Variants in UCK2 observed in about 807,000 individuals in gnomAD.
The protein encoded by UCK2 is uridine-cytidine kinase 2, also known as cytidine monophosphokinase 2.
In UCK2, 6 loss-of-function variants were observed where a neutral mutation model predicts 30.8. The ratio of observed to expected loss-of-function variants is 0.19; its 90% CI spans 0.11 to 0.38. The LOEUF is 0.38. UCK2 is among the 10% of genes least tolerant of loss of function. The pLI, the probability that UCK2 is intolerant of heterozygous loss-of-function variation, is 1.00. For missense variants in UCK2, 210 were observed against 339.8 expected, an observed-to-expected ratio of 0.62 and a Z score of 3.00; for synonymous variants, 125 against 133.6, an observed-to-expected ratio of 0.94 and a Z score of 0.45.
intron 5 of UCK2, among the ~76,000 whole-genome samples, chr1:165,904,725 C>T (rs545973238): frequency 3.3e-5 from 5 of 152,278 alleles, no homozygotes; most frequent in South Asian, 4.2e-4. Context: ...GGGCTGACAC[C>T]GTTGCCTTTC....
At chr1:165,887,920 T>G (rs1326490512) in intron 1 of UCK2, among the ~76,000 whole-genome samples, 1 of 152,236 alleles carries the variant, frequency 6.6e-6, no homozygotes, top group Non-Finnish European at 1.5e-5. Flanking sequence ...CAGAGTAGTT[T>G]TAAATGTTTT....
At chr1:165,854,101 G>A (rs1353132478) in intron 1 of UCK2, among the ~76,000 whole-genome samples, 1 of 152,154 alleles carries the variant, frequency 6.6e-6, no homozygotes, top group African/African-American at 2.4e-5. Flanking sequence ...CTCATTTTGG[G>A]GTTCAGATTG....
chr1:165,891,411 C>T (rs1184627335), intron 3 of UCK2, 89 bp downstream of exon 3: 1 of 1,187,394 alleles, frequency 8.4e-7, no homozygotes, highest in South Asian at 1.3e-5. Context: ...TTACCTCTCG[C>T]ACTTCAGACC....
At chr1:165,897,129 ACCTG>A (rs1202070994) in intron 4 of UCK2, among the ~76,000 whole-genome samples, 9 of 152,026 alleles carry the variant, frequency 5.9e-5, no homozygotes, top group Non-Finnish European at 1.3e-4. Context: ...AGTGGCAGGA[ACCTG>A]GAGTGTACAG....
At chr1:165,833,506 C>T (rs547442447) in intron 1 of UCK2, among the ~76,000 whole-genome samples, 13 of 152,238 alleles carry the variant, frequency 8.5e-5, no homozygotes, top group African/African-American at 3.1e-4. Flanking sequence ...GCTGCCTTTC[C>T]TCAGGCTGTA....
intron 1 of UCK2, among the ~76,000 whole-genome samples, chr1:165,880,559 T>TGTGTGTGTG (rs1557843843): frequency 2.3e-5 from 2 of 86,096 alleles, no homozygotes; most frequent in Admixed American, 1.2e-4. Context: ...ATTCAGTTTT[T>TGTGTGTGTG]TTTGGGGGTG....
intron 4 of UCK2, chr1:165,897,894 A>G (rs1384120823): frequency 6.6e-6 from 1 of 152,174 alleles, no homozygotes; most frequent in African/African-American, 2.4e-5. Context: ...GTTCTAGCAG[A>G]GCCCTTCCCA....
At chr1:165,888,135 A>T (rs78443602) in intron 1 of UCK2, among the ~76,000 whole-genome samples, 1 of 152,190 alleles carries the variant, frequency 6.6e-6, no homozygotes, top group East Asian at 1.9e-4. Flanking sequence ...GCAATCAAAC[A>T]CAACTTTATA....
At chr1:165,854,414 T>C (rs1350993116) in intron 1 of UCK2, among the ~76,000 whole-genome samples, 1 of 152,116 alleles carries the variant, frequency 6.6e-6, no homozygotes, top group Non-Finnish European at 1.5e-5. Context: ...CATGGGGAAG[T>C]AAACCGATTT....
At chr1:165,843,411 G>T (rs1654376370) in intron 1 of UCK2, among the ~76,000 whole-genome samples, 1 of 152,154 alleles carries the variant, frequency 6.6e-6, no homozygotes, top group African/African-American at 2.4e-5. Flanking sequence ...TGAGTTTCAA[G>T]AAGTCGTTAG....
At chr1:165,895,565 T>G in intron 3 of UCK2, 1 of 985,574 alleles carries the variant, frequency 1.0e-6, no homozygotes. Flanking sequence ...GATTGACCTG[T>G]GGCCACTTTG....
chr1:165,871,250 T>C (rs552179941), intron 1 of UCK2, among the ~76,000 whole-genome samples: 18 of 152,338 alleles, frequency 1.2e-4, no homozygotes, highest in African/African-American at 4.3e-4. Context: ...CAGGATACCC[T>C]GCACAAGGTG....
intron 1 of UCK2, 146 bp downstream of exon 1, chr1:165,828,078 C>A: frequency 2.6e-6 from 1 of 388,456 alleles, no homozygotes; most frequent in Non-Finnish European, 3.6e-6. Context: ...GCGCCGAGTG[C>A]GCCCCGCGCG....
rs77059225 is a variant in UCK2, at chr1:165,874,786, A to G, written c.100-15418A>G. Among the ~76,000 whole-genome samples, 1,123 of 152,298 alleles carry G rather than the reference A, an allele frequency of 7.4e-3. 20 individuals are homozygous for G. Among genetic ancestry groups the G allele is most frequent in the African/African-American group, 0.026 (1,071 of 41,552 alleles). The stretch of plus-strand genomic sequence containing the variant: ...TTACCGAGGACATGAAAGGCATTGC[A>G]GTTGCTTGGGCATTCTAGAAGAGGG... On this transcript the variant is annotated intron_variant, in intron 1 of 6. Coordinates refer to ENST00000367879, the MANE Select transcript of UCK2 (RefSeq NM_012474.5).
intron 1 of UCK2, among the ~76,000 whole-genome samples, chr1:165,841,329 G>A (rs1419193552): frequency 2.0e-5 from 3 of 151,678 alleles, no homozygotes; most frequent in African/African-American, 4.8e-5. Flanking sequence ...GATTACAGGC[G>A]CCCACCACCA....
rs142200009 is a variant in UCK2 at position 165,837,728 on chromosome 1, G to A, written c.99+9796G>A. Among the ~76,000 whole-genome samples, 637 of 152,270 alleles carry A rather than the reference G, an allele frequency of 4.2e-3. 3 individuals carry two copies. The highest frequency in any genetic ancestry group is 7.6e-3 in the Admixed American group (116 of 15,298). ...CTGAAGCTAACAAGTGTCCAAAAAC[G>A]GGAAGGATGAGGAGGTTCTCAAATG... is the stretch of plus-strand genomic sequence containing the variant. On this transcript the variant is annotated intron_variant, in intron 1 of 6. Coordinates refer to ENST00000367879, the MANE Select transcript of UCK2 (RefSeq NM_012474.5).
chr1:165,895,711 C>G (rs573860694), intron 3 of UCK2: 18 of 944,742 alleles, frequency 1.9e-5, no homozygotes, highest in African/African-American at 1.8e-5. Flanking sequence ...CCTTTCCTCC[C>G]TCCTTTCAAT....
intron 1 of UCK2, among the ~76,000 whole-genome samples, chr1:165,858,956 C>T (rs1007254298): frequency 5.9e-5 from 9 of 152,126 alleles, no homozygotes; most frequent in South Asian, 2.1e-4. Flanking sequence ...GAAAGGGCTG[C>T]GTAAACCAGA....
intron 1 of UCK2, among the ~76,000 whole-genome samples, chr1:165,828,443 C>A (rs576618857): frequency 1.8e-4 from 27 of 152,296 alleles, no homozygotes; most frequent in Admixed American, 1.6e-3. Context: ...GAGGCGGCAT[C>A]CCGGGGAAGG....
Sources: allele counts gnomAD v4.1 joint callset (sites outside exome capture counted in the v4.1 genomes callset), GRCh38; gene constraint gnomAD v4.1.1; transcripts MANE v1.5; gene names NCBI Gene and HGNC (gene_info 2026-07-23, HGNC 2026-07-21).